Variants in ADAMTSL1 observed in about 807,000 individuals in gnomAD.
ADAMTSL1 encodes the protein ADAMTS like 1, also known as ADAMTS-like protein 1.
In ADAMTSL1, 126 loss-of-function variants were observed where a neutral mutation model predicts 201.8. The observed-to-expected ratio is 0.62, with a 90% CI of 0.54 to 0.72. The LOEUF is 0.72. Among genes scored for constraint, ADAMTSL1 ranks in the 30% least tolerant of loss-of-function variants. The pLI is 0.00. For synonymous variants in ADAMTSL1, 1,121 were observed against 903.4 expected (o/e 1.24, Z -4.32); for missense variants, 2,679 against 2,277.8 (o/e 1.18, Z -3.59).
chr9:18,406,892 G>A (rs1818229984), intron 2 of ADAMTSL1, among the ~76,000 whole-genome samples: 1 of 152,218 alleles, frequency 6.6e-6, no homozygotes, highest in East Asian at 1.9e-4. Flanking sequence ...TAAAACAGGG[G>A]TCATAATAAT....
At chr9:18,401,101 A>AAGTATTTTATTTCTGTGATAAATAAAT (rs1817967079) in intron 2 of ADAMTSL1, among the ~76,000 whole-genome samples, 1 of 152,214 alleles carries the variant, frequency 6.6e-6, no homozygotes, top group East Asian at 1.9e-4. Flanking sequence ...ACTGTGGTTT[A>AAGTATTTTATTTCTGTGATAAATAAAT]AGTATTTTAT....
chr9:18,149,519 CACA>C (rs1235982052), intron 1 of ADAMTSL1, among the ~76,000 whole-genome samples: 1 of 151,984 alleles, frequency 6.6e-6, no homozygotes, highest in Non-Finnish European at 1.5e-5. Flanking sequence ...GTTTCTGGAG[CACA>C]ACATCACATC....
chr9:18,133,636 G>A (rs184306632), intron 1 of ADAMTSL1, among the ~76,000 whole-genome samples: 3 of 152,038 alleles, frequency 2.0e-5, no homozygotes, highest in Non-Finnish European at 4.4e-5. Flanking sequence ...CCCATTCAAG[G>A]TCTGATAGCC....
intron 1 of ADAMTSL1, among the ~76,000 whole-genome samples, chr9:18,108,687 AATTT>A (rs1195802898): frequency 1.3e-5 from 2 of 152,092 alleles, no homozygotes; most frequent in African/African-American, 4.8e-5. Flanking sequence ...TTACTCTTAG[AATTT>A]ATTTGAACAT....
Position 18,312,776 on chromosome 9 carries a change from C to G in ADAMTSL1, c.207+148795C>G, listed in dbSNP as rs969659316. 5.3e-5 allele frequency among the ~76,000 whole-genome samples: 8 copies of G among 152,310 alleles called. No homozygotes were observed. The South Asian group carries it at 1.5e-3, about 28-fold the overall frequency. On this transcript the variant is annotated intron_variant, in intron 2 of 29. Coordinates refer to the ADAMTSL1 transcript ENST00000680146. ...GGTCTTTGAAAGTGCCCAACAAAAA[C>G]TCTCTGCAAAGATGATTGATTGTTT...
intron 1 of ADAMTSL1, among the ~76,000 whole-genome samples, chr9:18,114,258 A>G (rs917060599): frequency 6.6e-6 from 1 of 152,170 alleles, no homozygotes; most frequent in African/African-American, 2.4e-5. Flanking sequence ...TGGCCATTCA[A>G]CTCAAACACT....
intron 6 of ADAMTSL1, among the ~76,000 whole-genome samples, chr9:18,638,884 G>T (rs769925055): frequency 2.0e-5 from 3 of 152,148 alleles, no homozygotes; most frequent in Admixed American, 6.6e-5. Context: ...AAACTGGAGG[G>T]TATCCTAGGC....
At position 18,323,328 on chromosome 9, in the gene ADAMTSL1, G is replaced by A. The variant is rs10963575; in HGVS notation, c.207+159347G>A. ...GGAGTAATAAAAATTATTTGACAAAGTACAACACCCATTTGTGATTTAAAA... is the reference window on the plus strand; with the variant it reads ...GGAGTAATAAAAATTATTTGACAAAATACAACACCCATTTGTGATTTAAAA... On this transcript the variant is annotated intron_variant, in intron 2 of 29. Coordinates refer to the ADAMTSL1 transcript ENST00000680146. Among the ~76,000 whole-genome samples, 617 of 152,252 alleles carry A rather than the reference G, an allele frequency of 4.1e-3. 3 individuals carry two copies. Among genetic ancestry groups the A allele is most frequent in the Non-Finnish European group, 7.2e-3 (488 of 67,988 alleles).
chr9:18,646,718 C>A (rs148410168), intron 7 of ADAMTSL1, among the ~76,000 whole-genome samples: 17,308 of 151,924 alleles, frequency 0.11, 1,292 homozygotes, highest in Non-Finnish European at 0.16. Context: ...ATTGAACCAG[C>A]CTTGCATCCC....
chr9:18,256,442 ACC>A (rs1831690283), intron 2 of ADAMTSL1, among the ~76,000 whole-genome samples: 1 of 152,194 alleles, frequency 6.6e-6, no homozygotes, highest in African/African-American at 2.4e-5. Context: ...AGTCCAATGA[ACC>A]CTGAGGTTGG....
intron 1 of ADAMTSL1, among the ~76,000 whole-genome samples, chr9:17,963,330 C>A (rs1012184066): frequency 1.3e-5 from 2 of 152,012 alleles, no homozygotes; most frequent in African/African-American, 4.8e-5. Flanking sequence ...AGTTTTTAAA[C>A]ATAGATACTA....
chr9:18,524,230 G>T (rs1818889783), intron 2 of ADAMTSL1, among the ~76,000 whole-genome samples: 1 of 152,120 alleles, frequency 6.6e-6, no homozygotes, highest in African/African-American at 2.4e-5. Flanking sequence ...CTCATGATTT[G>T]GCTCTCTGTT....
chr9:18,771,172 G>T (rs922405328), intron 17 of ADAMTSL1, among the ~76,000 whole-genome samples: 1 of 152,102 alleles, frequency 6.6e-6, no homozygotes, highest in Non-Finnish European at 1.5e-5. Flanking sequence ...ATTCAGGAAG[G>T]GCAAAGCCTC....
chr9:18,161,235 A>G (rs1011578220), intron 1 of ADAMTSL1, among the ~76,000 whole-genome samples: 1 of 151,962 alleles, frequency 6.6e-6, no homozygotes, highest in Non-Finnish European at 1.5e-5. Flanking sequence ...TTCAGCCTTT[A>G]TATTTGATGT....
chr9:18,277,176 C>T (rs1256674397), intron 2 of ADAMTSL1, among the ~76,000 whole-genome samples: 1 of 152,166 alleles, frequency 6.6e-6, no homozygotes, highest in Non-Finnish European at 1.5e-5. Flanking sequence ...ATCTATCCTG[C>T]ATAATGTTCT....
At chr9:18,009,801 G>A (rs1819976930) in intron 1 of ADAMTSL1, among the ~76,000 whole-genome samples, 1 of 152,000 alleles carries the variant, frequency 6.6e-6, no homozygotes, top group Admixed American at 6.6e-5. Flanking sequence ...TCATTATGAA[G>A]CCAAAGGAAA....
chr9:18,157,944 C>T (rs1471507834), intron 1 of ADAMTSL1, among the ~76,000 whole-genome samples: 2 of 152,126 alleles, frequency 1.3e-5, no homozygotes, highest in Non-Finnish European at 2.9e-5. Flanking sequence ...AGTATGTATG[C>T]ATAGGTATAT....
At chr9:18,607,383 G>A (rs1480694096) in intron 4 of ADAMTSL1, among the ~76,000 whole-genome samples, 1 of 152,056 alleles carries the variant, frequency 6.6e-6, no homozygotes, top group Non-Finnish European at 1.5e-5. Flanking sequence ...ATCGAATATG[G>A]CATTTGATAG....
chr9:18,472,554 A>T (rs916414919), upstream of ADAMTSL1, among the ~76,000 whole-genome samples: 6 of 152,212 alleles, frequency 3.9e-5, no homozygotes, highest in African/African-American at 1.4e-4. Context: ...TTTAATTGAT[A>T]TACCATATGA....
Sources: allele counts gnomAD v4.1 joint callset (sites outside exome capture counted in the v4.1 genomes callset), GRCh38; gene constraint gnomAD v4.1.1; transcripts MANE v1.5; gene names NCBI Gene and HGNC (gene_info 2026-07-23, HGNC 2026-07-21).